PYCARD: variants seen among roughly 807,000 people sequenced by gnomAD.
The protein encoded by PYCARD is apoptosis-associated speck-like protein containing a CARD.
A neutral mutation model predicts 10.0 loss-of-function variants in PYCARD; 10 were observed. The observed-to-expected ratio is 1.00, with a 90% CI of 0.62 to 1.69. The LOEUF (loss-of-function observed/expected upper bound fraction) is 1.69. Ranked by LOEUF, PYCARD falls within the 40% of genes most tolerant of loss-of-function variation. The probability of loss-of-function intolerance (pLI) is 0.00; values close to 1 mark genes in which losing one functional copy is unlikely to be tolerated. For missense variants in PYCARD, 239 were observed against 260.2 expected, an observed-to-expected ratio of 0.92 and a Z score of 0.56; for synonymous variants, 121 against 122.3, an observed-to-expected ratio of 0.99 and a Z score of 0.07.
In PYCARD at chr16:31,202,244, C is replaced by T; in HGVS notation, c.275-41G>A. 6.3e-7 allele frequency: 1 copy of T among 1,594,078 alleles called. No individual in the cohort carries two copies. Among genetic ancestry groups the T allele is most frequent in the Non-Finnish European group, 8.5e-7 (1 of 1,177,014 alleles). On this transcript the variant is annotated intron_variant, in intron 1 of 2. Coordinates refer to ENST00000247470, the MANE Select transcript of PYCARD (RefSeq NM_013258.5). The surrounding 1 kb of genome is among the most constrained non-coding windows in gnomAD (Gnocchi z 4.5). Reference sequence around the variant, plus strand: ...CCAAGTGATCCCCTTCCCTTCCCTTCCCGCCGTGGGGCCGGGGTCCCGTTG... The same window carrying T: ...CCAAGTGATCCCCTTCCCTTCCCTTTCCGCCGTGGGGCCGGGGTCCCGTTG...
At position 31,202,736 on chromosome 16, in the gene PYCARD, C is replaced by G; in HGVS notation, c.-46G>C. 1 of 1,514,846 alleles carries G rather than the reference C, an allele frequency of 6.6e-7. No homozygotes were observed. The highest frequency in any genetic ancestry group is 8.8e-7 in the Non-Finnish European group (1 of 1,136,110). 93.8% of individuals were successfully genotyped at this position (1,514,846 alleles called of 1,614,324 possible). The stretch of plus-strand genomic sequence containing the variant: ...CTGCCGCCGCTCACCCCGCTGCAGC[C>G]GCCGACCAGGAGGAAGTCGGCTCCG... On this transcript the variant is annotated 5_prime_UTR_variant, in exon 1 of 3. Coordinates refer to ENST00000247470, the MANE Select transcript of PYCARD (RefSeq NM_013258.5). This position sits in a 1 kb window ranked among gnomAD's most constrained non-coding sequence, Gnocchi z 4.5.
At position 31,201,506 on chromosome 16, in the gene PYCARD, A is replaced by G. The variant is rs2079440118; in HGVS notation, c.*79T>C. On this transcript the variant is annotated 3_prime_UTR_variant, in exon 3 of 3. Transcript: ENST00000247470. ...ACAAGTTCAAGCTGGCTTTTCGTAT[A>G]TTGTGTATAAAAAGATCAGATTCAG... The G allele has an allele frequency of 3.9e-6, 6 of 1,547,594 alleles. No homozygotes were observed. Among genetic ancestry groups the G allele is most frequent in the Admixed American group, 1.9e-5 (1 of 51,706 alleles).
chr16:31,201,964 AC>A (rs1173926611), intron 2 of PYCARD, 123 bp from the exon 3 acceptor site: 5 of 1,487,774 alleles, frequency 3.4e-6, no homozygotes, highest in Non-Finnish European at 4.5e-6. Context: ...GGCCACCAGG[AC>A]CCCACATGCA....
Position 31,202,637 on chromosome 16 carries a change from C to A in PYCARD, c.54G>T (p.Glu18Asp), listed in dbSNP as rs1484357578. Residue 18 changes from glutamate (E) to aspartate (D), a missense_variant, in exon 1 of 3, where the codon GAG becomes GAT. By Grantham distance (45) the Glu-to-Asp change is conservative (BLOSUM62 2). Coordinates refer to ENST00000247470, the MANE Select transcript of PYCARD (RefSeq NM_013258.5). This position sits in a 1 kb window ranked among gnomAD's most constrained non-coding sequence, Gnocchi z 4.5. Reference sequence around the variant, plus strand: ...GCTTCAGCTTGAACTTCTTGAGCTCCTCGGCGGTCAGGTTCTCCAGCGCAT... The same window carrying A: ...GCTTCAGCTTGAACTTCTTGAGCTCATCGGCGGTCAGGTTCTCCAGCGCAT... The part of the protein sequence containing the change: ...ILDALENLTA[E>D]ELKKFKLKLL... The A allele has an allele frequency of 1.2e-6, 2 of 1,610,574 alleles. No individual in the cohort carries two copies. Among genetic ancestry groups the A allele is most frequent in the Non-Finnish European group, 1.7e-6 (2 of 1,178,390 alleles).
At chr16:31,201,991 T>G in intron 2 of PYCARD, 150 bp from the exon 3 acceptor site, 1 of 1,446,416 alleles carries the variant, frequency 6.9e-7, no homozygotes, top group Non-Finnish European at 9.2e-7. Context: ...ATGAGGGTAA[T>G]ATTGTCTCCC....
chr16:31,202,055 GCCTGC>G lies in PYCARD; in HGVS notation c.331+87_331+91del, dbSNP rs750076158. The G allele has an allele frequency of 9.7e-5, 146 of 1,509,226 alleles. 1 individual carries two copies. The highest frequency in any genetic ancestry group is 7.7e-4 in the Admixed American group (38 of 49,116). 93.5% of individuals were successfully genotyped at this position (1,509,226 alleles called of 1,614,324 possible). On this transcript the variant is annotated intron_variant, in intron 2 of 2. Coordinates refer to ENST00000247470, the MANE Select transcript of PYCARD (RefSeq NM_013258.5). This position sits in a 1 kb window ranked among gnomAD's most constrained non-coding sequence, Gnocchi z 4.5. Reference sequence around the variant, plus strand: ...GGGGTGCGCAGGGTTGCCAAGCCGTGCCTGCCCTGCCCTGCCCTGCCCTGGTTGCG... The same window carrying G: ...GGGGTGCGCAGGGTTGCCAAGCCGTGCCTGCCCTGCCCTGCCCTGGTTGCG...
In PYCARD at chr16:31,201,800, TC is replaced by T; in HGVS notation, c.372del (p.Arg125GlyfsTer17). The T allele has an allele frequency of 6.2e-7, 1 of 1,614,172 alleles. No individual in the cohort carries two copies. Among genetic ancestry groups the T allele is most frequent in the African/African-American group, 1.3e-5 (1 of 75,056 alleles). On this transcript the variant is annotated frameshift_variant, in exon 3 of 3. Transcript: ENST00000247470. LOFTEE classifies it low-confidence loss of function (END_TRUNC). ...AGCAGCCACTCAACGTTTGTGACCCTCGCGATAAGCGCAGCCCGGTGCTGGT... is the reference window on the plus strand; with the variant it reads ...AGCAGCCACTCAACGTTTGTGACCCTGCGATAAGCGCAGCCCGGTGCTGGT... ...FIDQHRAALIARVTNVEWLLD... is the reference protein window; with the variant it reads ...FIDQHRAALIXRVTNVEWLLD...
At position 31,202,727 on chromosome 16, in the gene PYCARD, CGCT is replaced by C; in HGVS notation, c.-40_-38del. ...CCCCGGCCGCTGCCGCCGCTCACCC[CGCT>C]GCAGCCGCCGACCAGGAGGAAGTCG... On this transcript the variant is annotated 5_prime_UTR_variant, in exon 1 of 3. Transcript: ENST00000247470. This position sits in a 1 kb window ranked among gnomAD's most constrained non-coding sequence, Gnocchi z 4.5. 1.3e-6 allele frequency: 2 copies of C among 1,517,794 alleles called. No homozygotes were observed. The highest frequency in any genetic ancestry group is 1.8e-6 in the Non-Finnish European group (2 of 1,137,124). The allele number at this position is 1,517,794 out of a possible 1,614,324, so 94.0% of individuals were successfully genotyped here.
rs899717301 is a variant in PYCARD, at chr16:31,202,093, A to T, written c.331+54T>A. 8 of 1,576,768 alleles carry T rather than the reference A, an allele frequency of 5.1e-6. No individual in the cohort carries two copies. In the Admixed American group the frequency reaches 1.4e-4, roughly 28 times the overall value. On this transcript the variant is annotated intron_variant, in intron 2 of 2. Transcript: ENST00000247470. The surrounding 1 kb of genome is among the most constrained non-coding windows in gnomAD (Gnocchi z 4.5). Reference sequence around the variant, plus strand: ...TGCCCTGCCCTGGTTGCGGGAGCACAGATGCAGGCTGTGCAGGAGTGCGGT... The same window carrying T: ...TGCCCTGCCCTGGTTGCGGGAGCACTGATGCAGGCTGTGCAGGAGTGCGGT...
intron 2 of PYCARD, 36 bp from the exon 3 acceptor site, chr16:31,201,877 G>T: frequency 3.1e-6 from 5 of 1,608,490 alleles, no homozygotes; most frequent in Non-Finnish European, 4.2e-6. Flanking sequence ...CAGCAGCCAG[G>T]GTGTGGGGCC....
At position 31,202,427 on chromosome 16, in the gene PYCARD, G is replaced by T; in HGVS notation, c.264C>A (p.Ala88=). ...ACGGGGGCGGCTCACCCTGGTGCGT[G>T]GCCGCCTGCAGCTGCCCGGCCATCT... The part of the protein sequence containing the change: ...LQEMAGQLQA[A]THQGSGAAPA... Residue 88 remains alanine, a synonymous_variant, in exon 1 of 3, where the codon GCC becomes GCA. Transcript: ENST00000247470. This position sits in a 1 kb window ranked among gnomAD's most constrained non-coding sequence, Gnocchi z 4.5. The T allele has an allele frequency of 6.5e-7, 1 of 1,540,482 alleles. No individual in the cohort carries two copies. The highest frequency in any genetic ancestry group is 2.4e-5 in the East Asian group (1 of 40,954).
rs781726492 is a variant in PYCARD at position 31,202,260 on chromosome 16, G to C, written c.275-57C>G. 19 of 1,583,182 alleles carry C rather than the reference G, an allele frequency of 1.2e-5. No homozygotes were observed. The African/African-American group carries it at 2.3e-4, about 19-fold the overall frequency. On this transcript the variant is annotated intron_variant, in intron 1 of 2. Transcript: ENST00000247470. This position sits in a 1 kb window ranked among gnomAD's most constrained non-coding sequence, Gnocchi z 4.5. ...CCTTCCCTTCCCGCCGTGGGGCCGG[G>C]GTCCCGTTGGTCGGTAGGCCAAGCG... is the stretch of plus-strand genomic sequence containing the variant.
At position 31,201,529 on chromosome 16, in the gene PYCARD, C is replaced by G. The variant is rs2079440295; in HGVS notation, c.*56G>C. 3 of 1,581,444 alleles carry G rather than the reference C, an allele frequency of 1.9e-6. No homozygotes were observed. Among genetic ancestry groups the G allele is most frequent in the East Asian group, 2.3e-5 (1 of 44,444 alleles). ...ATATTGTGTATAAAAAGATCAGATT[C>G]AGGATGATTTGGTGGGATTGCCAGG... On this transcript the variant is annotated 3_prime_UTR_variant, in exon 3 of 3. Coordinates refer to ENST00000247470, the MANE Select transcript of PYCARD (RefSeq NM_013258.5).
chr16:31,202,067 C>T lies in PYCARD; in HGVS notation c.331+80G>A. ...GTTGCCAAGCCGTGCCTGCCCTGCC[C>T]TGCCCTGCCCTGGTTGCGGGAGCAC... On this transcript the variant is annotated intron_variant, in intron 2 of 2. Transcript: ENST00000247470. This position sits in a 1 kb window ranked among gnomAD's most constrained non-coding sequence, Gnocchi z 4.5. 1 of 1,538,372 alleles carries T rather than the reference C, an allele frequency of 6.5e-7. No individual in the cohort carries two copies. The highest frequency in any genetic ancestry group is 8.7e-7 in the Non-Finnish European group (1 of 1,144,326).
Position 31,202,160 on chromosome 16 carries a change from C to G in PYCARD, c.318G>C (p.Ser106=), listed in dbSNP as rs750929809. The G allele has an allele frequency of 2.4e-5, 38 of 1,607,286 alleles. No individual in the cohort carries two copies. The highest frequency in any genetic ancestry group is 3.1e-5 in the Non-Finnish European group (37 of 1,179,640). The change falls in exon 2 of 3, where the codon TCG becomes TCC. Residue 106 remains serine, a synonymous_variant. Transcript: ENST00000247470. The surrounding 1 kb of genome is among the most constrained non-coding windows in gnomAD (Gnocchi z 4.5). The part of the protein sequence containing the change: ...APAGIQAPPQ[S]AAKPGLHFID... ...TGGAGGCCTCACCTGGCTTGGCTGC[C>G]GACTGAGGAGGGGCCTGGATCCCAG...
Position 31,201,735 on chromosome 16 carries a change from G to GTACT in PYCARD, c.434_437dup (p.Tyr146Ter). Reference sequence around the variant, plus strand: ...TGGTGGGCTCGGCCCGCACTGCCTGGTACTGCTCATCCGTCAGGACCTTCC... The same window carrying GTACT: ...TGGTGGGCTCGGCCCGCACTGCCTGGTACTTACTGCTCATCCGTCAGGACCTTCC... On this transcript the variant is annotated stop_gained and frameshift_variant, in exon 3 of 3. Transcript: ENST00000247470. LOFTEE classifies it low-confidence loss of function (END_TRUNC). 1 of 1,614,140 alleles carries GTACT rather than the reference G, an allele frequency of 6.2e-7. No individual in the cohort carries two copies. Among genetic ancestry groups the GTACT allele is most frequent in the Non-Finnish European group, 8.5e-7 (1 of 1,180,018 alleles).
chr16:31,202,583 G>T lies in PYCARD; in HGVS notation c.108C>A (p.Tyr36Ter), dbSNP rs1026522878. The T allele has an allele frequency of 2.5e-6, 4 of 1,612,932 alleles. No homozygotes were observed. Among genetic ancestry groups the T allele is most frequent in the Non-Finnish European group, 3.4e-6 (4 of 1,179,734 alleles). Residue 36 changes from tyrosine to a stop codon, truncating the protein, a stop_gained, in exon 1 of 3, where the codon TAC (tyrosine) becomes TAA (stop). Transcript: ENST00000247470. LOFTEE classifies it high-confidence loss of function. This position sits in a 1 kb window ranked among gnomAD's most constrained non-coding sequence, Gnocchi z 4.5. ...KLLSVPLREG[Y>*]GRIPRGALLS... Reference sequence around the variant, plus strand: ...GCAGCGCGCCCCGCGGGATGCGCCCGTAGCCCTCGCGCAGCGGCACCGACA... The same window carrying T: ...GCAGCGCGCCCCGCGGGATGCGCCCTTAGCCCTCGCGCAGCGGCACCGACA...
chr16:31,202,447 C>T lies in PYCARD; in HGVS notation c.244G>A (p.Ala82Thr). The change falls in exon 1 of 3, where the codon GCC becomes ACC. Residue 82 changes from alanine to threonine, a missense_variant. Transcript: ENST00000247470. The surrounding 1 kb of genome is among the most constrained non-coding windows in gnomAD (Gnocchi z 4.5). ...TGCGTGGCCGCCTGCAGCTGCCCGG[C>T]CATCTCCTGCAGGCCCATGTCGCGC... Reference protein sequence around the residue: ...VLRDMGLQEMAGQLQAATHQG... With the variant: ...VLRDMGLQEMTGQLQAATHQG... 1 of 1,555,472 alleles carries T rather than the reference C, an allele frequency of 6.4e-7. No homozygotes were observed. Among genetic ancestry groups the T allele is most frequent in the Non-Finnish European group, 8.7e-7 (1 of 1,151,226 alleles).
rs564347168 is a variant in PYCARD at position 31,201,943 on chromosome 16, C to T, written c.332-102G>A. 2.6e-6 allele frequency: 4 copies of T among 1,532,150 alleles called. No homozygotes were observed. In the East Asian group the frequency reaches 7.0e-5, roughly 27 times the overall value. 94.9% of individuals were successfully genotyped at this position (1,532,150 alleles called of 1,614,324 possible). A position where few individuals can be genotyped will look rare whatever the true frequency, so the allele number is the denominator to read the frequency against. On this transcript the variant is annotated intron_variant, in intron 2 of 2. Transcript: ENST00000247470. ...TTCCTCTGCAAGCCTAGGGGCAGGG[C>T]TCCAGGGGGCGGCCACCAGGACCCC... is the stretch of plus-strand genomic sequence containing the variant.
Sources: gnomAD v4.1 joint callset for allele counts on GRCh38, gnomAD v4.1.1 for gene constraint, Gnocchi (gnomAD v3.1) non-coding constraint, MANE v1.5 for transcripts, NCBI Gene and HGNC (gene_info 2026-07-23, HGNC 2026-07-21) for gene names.